SGMS1: variants seen among roughly 807,000 people sequenced by gnomAD.
SGMS1 encodes phosphatidylcholine:ceramide cholinephosphotransferase 1.
Under a neutral mutation model 46.2 loss-of-function variants are expected in SGMS1, and 13 were observed. That is an observed-to-expected ratio of 0.28 (90% CI 0.18 to 0.45). The LOEUF is 0.45. SGMS1 is among the 20% of genes least tolerant of loss of function. The pLI is 1.00. For missense variants in SGMS1, 324 were observed against 519.9 expected (o/e 0.62, Z 3.66); for synonymous variants, 203 against 187.8 (o/e 1.08, Z -0.66).
chr10:50,480,478 A>G (rs1331295868), intron 3 of SGMS1, among the ~76,000 whole-genome samples: 1 of 152,036 alleles, frequency 6.6e-6, no homozygotes, highest in Non-Finnish European at 1.5e-5. Flanking sequence ...TAGTTGGTGT[A>G]CCATGGAGAG....
chr10:50,583,400 G>A (rs1364150871), intron 2 of SGMS1, among the ~76,000 whole-genome samples: 1 of 152,184 alleles, frequency 6.6e-6, no homozygotes, highest in Non-Finnish European at 1.5e-5. Flanking sequence ...ACCATTCCCA[G>A]CTATCATCAG....
chr10:50,469,205 A>G (rs1427110467), intron 3 of SGMS1, among the ~76,000 whole-genome samples: 2 of 152,224 alleles, frequency 1.3e-5, no homozygotes, highest in African/African-American at 4.8e-5. Flanking sequence ...TTGTTTTTCA[A>G]TCAAAATCAT....
At chr10:50,487,257 C>G (rs1837529322) in intron 3 of SGMS1, among the ~76,000 whole-genome samples, 1 of 152,184 alleles carries the variant, frequency 6.6e-6, no homozygotes, top group Non-Finnish European at 1.5e-5. Flanking sequence ...ACTGCATGCT[C>G]TCATTGATAA....
At chr10:50,515,769 C>T (rs568622887) in intron 3 of SGMS1, among the ~76,000 whole-genome samples, 296 of 152,194 alleles carry the variant, frequency 1.9e-3, no homozygotes, top group African/African-American at 6.8e-3. Context: ...CTGAACTGAC[C>T]GCCAAGAAAA....
intron 1 of SGMS1, among the ~76,000 whole-genome samples, chr10:50,616,671 T>C (rs1480226898): frequency 6.6e-6 from 1 of 152,100 alleles, no homozygotes; most frequent in East Asian, 1.9e-4. Flanking sequence ...TGAAGGAAGA[T>C]TTTAAAAGAT....
chr10:50,380,207 C>T (rs1848580990), intron 6 of SGMS1, among the ~76,000 whole-genome samples: 1 of 151,856 alleles, frequency 6.6e-6, no homozygotes, highest in East Asian at 1.9e-4. Flanking sequence ...ACAGTAAAAC[C>T]CTGTCTCTAA....
chr10:50,409,413 G>C, intron 6 of SGMS1, among the ~76,000 whole-genome samples: 1 of 152,072 alleles, frequency 6.6e-6, no homozygotes, highest in East Asian at 1.9e-4. Flanking sequence ...TCCCTGAACT[G>C]TTCCTGTCCA....
chr10:50,546,588 T>C (rs1838102950), intron 2 of SGMS1, among the ~76,000 whole-genome samples: 1 of 152,178 alleles, frequency 6.6e-6, no homozygotes, highest in Non-Finnish European at 1.5e-5. Flanking sequence ...TGGATGAAGC[T>C]GGAAACCATC....
At chr10:50,484,567 A>G (rs1249638672) in intron 3 of SGMS1, among the ~76,000 whole-genome samples, 1 of 152,202 alleles carries the variant, frequency 6.6e-6, no homozygotes, top group East Asian at 1.9e-4. Context: ...TCATCTTGAT[A>G]CCAAAACCTG....
intron 7 of SGMS1, among the ~76,000 whole-genome samples, chr10:50,337,652 A>T (rs970082518): frequency 1.3e-5 from 2 of 152,194 alleles, no homozygotes; most frequent in African/African-American, 4.8e-5. Flanking sequence ...GGGTAAAATG[A>T]AAGATAAATG....
intron 2 of SGMS1, among the ~76,000 whole-genome samples, chr10:50,589,728 T>A (rs1244661880): frequency 6.6e-6 from 1 of 152,180 alleles, no homozygotes; most frequent in African/African-American, 2.4e-5. Context: ...CCCCTCAGCC[T>A]CCCAAAGTGC....
intron 2 of SGMS1, among the ~76,000 whole-genome samples, chr10:50,533,327 T>G (rs935515256): frequency 2.6e-5 from 4 of 152,208 alleles, no homozygotes; most frequent in Non-Finnish European, 4.4e-5. Context: ...GATTAAAGGG[T>G]TTTTTTCCCC....
chr10:50,562,838 C>G (rs1300423570), intron 2 of SGMS1, among the ~76,000 whole-genome samples: 1 of 152,174 alleles, frequency 6.6e-6, no homozygotes, highest in Non-Finnish European at 1.5e-5. Flanking sequence ...GCCACCGCGC[C>G]CGGCCGTCTC....
chr10:50,317,401 T>C (rs1847357231), intron 8 of SGMS1, among the ~76,000 whole-genome samples: 1 of 152,190 alleles, frequency 6.6e-6, no homozygotes, highest in South Asian at 2.1e-4. Flanking sequence ...CTTCACAAGC[T>C]TGTCAGTTGG....
chr10:50,446,127 G>A (rs900389447), intron 5 of SGMS1, among the ~76,000 whole-genome samples: 33 of 152,020 alleles, frequency 2.2e-4, no homozygotes, highest in African/African-American at 7.3e-5. Context: ...ATGCGTGCCC[G>A]AAACTTCATT....
intron 3 of SGMS1, among the ~76,000 whole-genome samples, chr10:50,476,550 A>T (rs1362011584): frequency 6.6e-6 from 1 of 152,212 alleles, no homozygotes; most frequent in Non-Finnish European, 1.5e-5. Flanking sequence ...AGAGGAGCTG[A>T]ACGTTAATAG....
intron 6 of SGMS1, among the ~76,000 whole-genome samples, chr10:50,344,916 A>G (rs1008635658): frequency 6.6e-6 from 1 of 152,136 alleles, no homozygotes; most frequent in Non-Finnish European, 1.5e-5. Context: ...TTTTCTAAGA[A>G]GCAACTTGAC....
intron 3 of SGMS1, among the ~76,000 whole-genome samples, chr10:50,495,078 A>T (rs1351701323): frequency 1.4e-5 from 2 of 148,136 alleles, no homozygotes; most frequent in Non-Finnish European, 3.0e-5. Context: ...AAATACAAAA[A>T]AAAAAAAAAA....
At chr10:50,470,313 T>C (rs1280492971) in intron 3 of SGMS1, among the ~76,000 whole-genome samples, 1 of 152,216 alleles carries the variant, frequency 6.6e-6, no homozygotes, top group Non-Finnish European at 1.5e-5. Context: ...AGAGCCTGGC[T>C]TAAGAGAATA....
Sources: allele counts gnomAD v4.1 joint callset (sites outside exome capture counted in the v4.1 genomes callset), GRCh38; gene constraint gnomAD v4.1.1; transcripts MANE v1.5; gene names NCBI Gene and HGNC (gene_info 2026-07-23, HGNC 2026-07-21).